The following ZC3H4 variants were observed in gnomAD, a reference collection of about 807,000 sequenced individuals.
The protein encoded by ZC3H4 is zinc finger CCCH domain-containing protein 4.
Under a neutral mutation model 108.3 loss-of-function variants are expected in ZC3H4, and 13 were observed. The ratio of observed to expected loss-of-function variants is 0.12; its 90% CI spans 0.08 to 0.19. The LOEUF (loss-of-function observed/expected upper bound fraction) is 0.19. Ranked by LOEUF, ZC3H4 falls within the 10% of genes least tolerant of loss-of-function variation. The pLI is 1.00. For synonymous variants in ZC3H4, 917 were observed against 749.6 expected (o/e 1.22, Z -3.65); for missense variants, 1,734 against 1,838.8 (o/e 0.94, Z 1.04).
chr19:47,111,325 T>C (rs913650155), intron 2 of ZC3H4, among the ~76,000 whole-genome samples: 3 of 152,182 alleles, frequency 2.0e-5, no homozygotes, highest in Admixed American at 2.0e-4. Context: ...GCTGACCCCA[T>C]TATCACCCGC....
rs141002844 is a variant in ZC3H4, at chr19:47,087,620, T to C, written c.716-1082A>G. Among the ~76,000 whole-genome samples the C allele has an allele frequency of 4.4e-3, 672 of 152,290 alleles. 6 individuals are homozygous for C. Among genetic ancestry groups the C allele is most frequent in the African/African-American group, 0.015 (625 of 41,562 alleles). ...TAGGCCAGGCGCAGTGGTTCACACC[T>C]GTAATCCCAGCACTTTGGGAGGCCA... On this transcript the variant is annotated intron_variant, in intron 5 of 14. Transcript: ENST00000253048.
At chr19:47,071,036 T>G (rs1316005068) in intron 13 of ZC3H4, among the ~76,000 whole-genome samples, 4 of 152,186 alleles carry the variant, frequency 2.6e-5, no homozygotes, top group Non-Finnish European at 5.9e-5. Context: ...TTCCTCACGT[T>G]GTGAGTGCCG....
intron 4 of ZC3H4, among the ~76,000 whole-genome samples, chr19:47,091,028 A>G (rs747188215): frequency 2.4e-4 from 36 of 152,212 alleles, no homozygotes; most frequent in Admixed American, 6.5e-5. Flanking sequence ...GCACTTTGGG[A>G]GGCCGAGGCG....
intron 2 of ZC3H4, among the ~76,000 whole-genome samples, chr19:47,102,525 C>G (rs2057916537): frequency 6.6e-6 from 1 of 152,188 alleles, no homozygotes; most frequent in Non-Finnish European, 1.5e-5. Context: ...CTGTGCAGCA[C>G]AGGCAACCAT....
chr19:47,106,646 G>A (rs570847223), intron 2 of ZC3H4, among the ~76,000 whole-genome samples: 15 of 152,262 alleles, frequency 9.9e-5, no homozygotes, highest in African/African-American at 2.4e-4. Flanking sequence ...ACCCTTTATC[G>A]TGGCCAGAAA....
At chr19:47,107,244 T>C (rs1390065602) in intron 2 of ZC3H4, among the ~76,000 whole-genome samples, 3 of 152,202 alleles carry the variant, frequency 2.0e-5, no homozygotes, top group Non-Finnish European at 4.4e-5. Flanking sequence ...TTATTCTTAC[T>C]TCTGTTTATA....
rs180828278 is a variant in ZC3H4, at chr19:47,088,632, T to C, written c.715+1335A>G. Among the ~76,000 whole-genome samples the C allele has an allele frequency of 2.2e-3, 327 of 151,868 alleles. 2 individuals carry two copies. Among genetic ancestry groups the C allele is most frequent in the African/African-American group, 7.6e-3 (315 of 41,440 alleles). On this transcript the variant is annotated intron_variant, in intron 5 of 14. Transcript: ENST00000253048. ...TAAATCGTGCCACTGCACTCCAGGA[T>C]GGGTGACAGAGCAAGATTCTGTCTC...
At position 47,104,938 on chromosome 19, in the gene ZC3H4, C is replaced by T. The variant is rs557522403; in HGVS notation, c.161+7486G>A. Among the ~76,000 whole-genome samples the T allele has an allele frequency of 4.6e-4, 69 of 151,574 alleles. 1 individual carries two copies. Among genetic ancestry groups the T allele is most frequent in the African/African-American group, 1.5e-3 (62 of 41,570 alleles). ...GTAATGGCCATGATCCACTTCCACA[C>T]GGGACCTCAAGAAGTCTCCAGTTAC... On this transcript the variant is annotated intron_variant, in intron 2 of 14. Coordinates refer to ENST00000253048, the MANE Select transcript of ZC3H4 (RefSeq NM_015168.2).
chr19:47,092,847 TAAAC>T (rs541273381), intron 4 of ZC3H4, among the ~76,000 whole-genome samples: 1 of 150,048 alleles, frequency 6.7e-6, no homozygotes, highest in Admixed American at 6.7e-5. Context: ...AATAAATAAA[TAAAC>T]AAACAAGACA....
chr19:47,112,109 G>A lies in ZC3H4; in HGVS notation c.161+315C>T, dbSNP rs1049569286. On this transcript the variant is annotated intron_variant, in intron 2 of 14. Transcript: ENST00000253048. ...CCCACGGCGCCCCCTCCCCAGGACA[G>A]GCGGACGGGCGCGGGGGGTCCGAGG... is the stretch of plus-strand genomic sequence containing the variant. The A allele has an allele frequency of 3.4e-5, 36 of 1,055,540 alleles. No individual in the cohort carries two copies. The East Asian group carries it at 1.1e-3, about 33-fold the overall frequency. 65.4% of individuals were successfully genotyped at this position (1,055,540 alleles called of 1,614,324 possible).
At chr19:47,107,939 A>G (rs544862785) in intron 2 of ZC3H4, among the ~76,000 whole-genome samples, 5 of 152,308 alleles carry the variant, frequency 3.3e-5, no homozygotes, top group Admixed American at 1.3e-4. Context: ...GCTCCCCCCA[A>G]TCAATCTCAT....
At position 47,112,525 on chromosome 19, in the gene ZC3H4, C is replaced by CGATGGCGGCGGCGGCGACTCT; in HGVS notation, c.39_59dup (p.Glu14_Ser20dup). Reference sequence around the variant, plus strand: ...GCGAAGGCGTTGATGGCGGCGGCGGCGATGGCGGCGGCGGCGACTCTGATG... The same window carrying CGATGGCGGCGGCGGCGACTCT: ...GCGAAGGCGTTGATGGCGGCGGCGGCGATGGCGGCGGCGGCGACTCTGATGGCGGCGGCGGCGACTCTGATG... On this transcript the variant is annotated inframe_insertion, in exon 2 of 15. Coordinates refer to ENST00000253048, the MANE Select transcript of ZC3H4 (RefSeq NM_015168.2). 3 of 1,071,158 alleles carry CGATGGCGGCGGCGGCGACTCT rather than the reference C, an allele frequency of 2.8e-6. No individual in the cohort carries two copies. Among genetic ancestry groups the CGATGGCGGCGGCGGCGACTCT allele is most frequent in the East Asian group, 3.2e-5 (1 of 31,114 alleles). 66.4% of individuals were successfully genotyped at this position (1,071,158 alleles called of 1,614,324 possible). A position where few individuals can be genotyped will look rare whatever the true frequency, so the allele number is the denominator to read the frequency against.
intron 2 of ZC3H4, among the ~76,000 whole-genome samples, chr19:47,096,136 T>A (rs17802231): frequency 0.013 from 1,991 of 152,272 alleles, 92 homozygotes; most frequent in Admixed American, 0.094. Flanking sequence ...CTATGAACTC[T>A]CACTCCCAGT....
At chr19:47,081,752 T>G (rs1309446804) in intron 10 of ZC3H4, 130 bp from the exon 11 acceptor site, 6 of 765,082 alleles carry the variant, frequency 7.8e-6, no homozygotes, top group Non-Finnish European at 1.1e-5. Flanking sequence ...TGAGGCGATG[T>G]GCTAAGGGCT....
Position 47,069,151 on chromosome 19 carries a change from T to A in ZC3H4, c.2339A>T (p.Glu780Val). Residue 780 changes from glutamate (E) to valine (V), a missense_variant, in exon 14 of 15, where the codon GAG becomes GTG. Transcript: ENST00000253048. ...YLRIQQKQQE[E>V]EERARRLAES... is the part of the protein sequence containing the mutation. ...AGCCAGCCTCCTCGCTCTCTCCTCC[T>A]CCTCCTGCTGCTTCTGCTGGATCCT... The A allele has an allele frequency of 6.2e-7, 1 of 1,607,644 alleles. No individual in the cohort carries two copies. Among genetic ancestry groups the A allele is most frequent in the Non-Finnish European group, 8.5e-7 (1 of 1,179,936 alleles).
At chr19:47,086,620 G>A (rs1219734346) in intron 5 of ZC3H4, 82 bp from the exon 6 acceptor site, 3 of 1,480,242 alleles carry the variant, frequency 2.0e-6, no homozygotes, top group Non-Finnish European at 1.8e-6. Flanking sequence ...TTTTGCTCCT[G>A]AGGTCAATCA....
chr19:47,069,015 C>T, intron 14 of ZC3H4, 77 bp downstream of exon 14: 1 of 1,589,376 alleles, frequency 6.3e-7, no homozygotes, highest in South Asian at 1.1e-5. Flanking sequence ...GAAACCCAAC[C>T]TGGAACACCC....
At position 47,098,474 on chromosome 19, in the gene ZC3H4, G is replaced by C. The variant is rs1397034265; in HGVS notation, c.162-3866C>G. The stretch of plus-strand genomic sequence containing the variant: ...TGCACTCCAGCTTGCGAGACAGAGT[G>C]AAACTGTGTCTCAAAAAAAAAAAAA... On this transcript the variant is annotated intron_variant, in intron 2 of 14. Coordinates refer to ENST00000253048, the MANE Select transcript of ZC3H4 (RefSeq NM_015168.2). Among the ~76,000 whole-genome samples the C allele has an allele frequency of 4.5e-5, 5 of 111,950 alleles. No individual in the cohort carries two copies. The Admixed American group carries it at 6.2e-4, about 14-fold the overall frequency. The allele number at this position is 111,950 out of a possible 152,430, so 73.4% of individuals were successfully genotyped here. A position where few individuals can be genotyped will look rare whatever the true frequency, so the allele number is the denominator to read the frequency against.
chr19:47,067,729 G>T lies in ZC3H4; in HGVS notation c.2539C>A (p.Pro847Thr). Reference sequence around the variant, plus strand: ...GTGGGGTGTCCCTTCTGGAGGCGGGGGTCCCCCAGCCCACTGCTGCTCAGC... The same window carrying T: ...GTGGGGTGTCCCTTCTGGAGGCGGGTGTCCCCCAGCCCACTGCTGCTCAGC... Reference protein sequence around the residue: ...GELSSSGLGDPRLQKGHPTGS... With the variant: ...GELSSSGLGDTRLQKGHPTGS... The change falls in exon 15 of 15, where the codon CCC becomes ACC. Residue 847 changes from proline (P) to threonine (T), a missense_variant. Coordinates refer to ENST00000253048, the MANE Select transcript of ZC3H4 (RefSeq NM_015168.2). The surrounding 1 kb of genome is among the most constrained non-coding windows in gnomAD (Gnocchi z 6.4). 6.2e-7 allele frequency: 1 copy of T among 1,607,354 alleles called. No homozygotes were observed. The highest frequency in any genetic ancestry group is 8.5e-7 in the Non-Finnish European group (1 of 1,178,374).
Sources: allele counts gnomAD v4.1 joint callset (sites outside exome capture counted in the v4.1 genomes callset), GRCh38; gene constraint gnomAD v4.1.1; non-coding constraint Gnocchi (gnomAD v3.1); transcripts MANE v1.5; gene names NCBI Gene and HGNC (gene_info 2026-07-23, HGNC 2026-07-21).